Variants in CADPS observed in about 807,000 individuals in gnomAD.
The protein encoded by CADPS is calcium dependent secretion activator.
In CADPS, 57 loss-of-function variants were observed where a neutral mutation model predicts 167.3. The ratio of observed to expected loss-of-function variants is 0.34; its 90% CI spans 0.28 to 0.42. The LOEUF is 0.42. CADPS is among the 20% of genes least tolerant of loss of function. The pLI, the probability that CADPS is intolerant of heterozygous loss-of-function variation, is 1.00. For synonymous variants in CADPS, 676 were observed against 635.3 expected, an observed-to-expected ratio of 1.06 and a Z score of -0.96; for missense variants, 1,414 against 1,738.1, an observed-to-expected ratio of 0.81 and a Z score of 3.32.
chr3:62,478,014 CT>C lies in CADPS; in HGVS notation c.3329+246del. 1 of 465,932 alleles carries C rather than the reference CT, an allele frequency of 2.1e-6. No individual in the cohort carries two copies. The allele number at this position is 465,932 out of a possible 1,614,324, so 28.9% of individuals were successfully genotyped here. On this transcript the variant is annotated intron_variant, in intron 23 of 29. Transcript: ENST00000383710. This position sits in a 1 kb window ranked among gnomAD's most constrained non-coding sequence, Gnocchi z 5.7. ...GATACAAAAAAGAATGGACAGGGAT[CT>C]TTTCCTCTTAAAGCCAACAACCATG...
intron 28 of CADPS, among the ~76,000 whole-genome samples, chr3:62,429,244 G>A (rs1398683357): frequency 6.6e-6 from 1 of 152,152 alleles, no homozygotes; most frequent in Non-Finnish European, 1.5e-5. Context: ...AAACTTTTAT[G>A]TGCACTTGAA....
In CADPS at chr3:62,688,235, C is replaced by T. The variant is rs148820087; in HGVS notation, c.889-25841G>A. On this transcript the variant is annotated intron_variant, in intron 3 of 29. Coordinates refer to ENST00000383710, the MANE Select transcript of CADPS (RefSeq NM_003716.4). ...AATGTAAACCAGTAGCTTTCTTTCC[C>T]CTGTCATGCTAACCAAAAAAACCAA... 7.0e-3 allele frequency among the ~76,000 whole-genome samples: 327 copies of T among 46,664 alleles called. 4 individuals are homozygous for T. In the East Asian group the frequency reaches 0.093, roughly 13 times the overall value. 30.6% of individuals were successfully genotyped at this position (46,664 alleles called of 152,430 possible).
At chr3:62,594,173 A>AT (rs200077753) in intron 6 of CADPS, among the ~76,000 whole-genome samples, 12,135 of 146,330 alleles carry the variant, frequency 0.083, 683 homozygotes, top group East Asian at 0.29. Flanking sequence ...TTATTTATTT[A>AT]TTTTTTGAGA....
intron 3 of CADPS, among the ~76,000 whole-genome samples, chr3:62,713,966 T>C (rs1403252398): frequency 1.3e-5 from 2 of 152,298 alleles, no homozygotes; most frequent in Middle Eastern, 3.4e-3. Flanking sequence ...AATTTCTCTA[T>C]ATTCTTTATA....
intron 6 of CADPS, among the ~76,000 whole-genome samples, chr3:62,621,144 T>TG (rs1240869609): frequency 6.6e-6 from 1 of 152,200 alleles, no homozygotes; most frequent in African/African-American, 2.4e-5. Context: ...GACAAATCTC[T>TG]GGATATGGGG....
rs1169197382 is a variant in CADPS, at chr3:62,412,936, A to T, written c.3778-9751T>A. Among the ~76,000 whole-genome samples, 1 of 152,162 alleles carries T rather than the reference A, an allele frequency of 6.6e-6. No individual in the cohort carries two copies. Among genetic ancestry groups the T allele is most frequent in the East Asian group, 1.9e-4 (1 of 5,184 alleles). On this transcript the variant is annotated intron_variant, in intron 28 of 29. Coordinates refer to ENST00000383710, the MANE Select transcript of CADPS (RefSeq NM_003716.4). The surrounding 1 kb of genome is among the most constrained non-coding windows in gnomAD (Gnocchi z 4.1). ...TCAATCTGATTGTCTAAAACCCAAC[A>T]AGTCACAAAATCCCCCTTTATCCTA...
chr3:62,708,285 T>G (rs1248442459), intron 3 of CADPS, among the ~76,000 whole-genome samples: 1 of 152,064 alleles, frequency 6.6e-6, no homozygotes, highest in Non-Finnish European at 1.5e-5. Context: ...TGATGTTATT[T>G]GTATATGTAT....
At position 62,874,357 on chromosome 3, in the gene CADPS, T is replaced by G. The variant is rs1231949297; in HGVS notation, c.441+232A>C. Among the ~76,000 whole-genome samples the G allele has an allele frequency of 6.6e-6, 1 of 152,090 alleles. No individual in the cohort carries two copies. Among genetic ancestry groups the G allele is most frequent in the Non-Finnish European group, 1.5e-5 (1 of 68,008 alleles). On this transcript the variant is annotated intron_variant, in intron 1 of 29. Transcript: ENST00000383710. The surrounding 1 kb of genome is among the most constrained non-coding windows in gnomAD (Gnocchi z 7.1). Reference sequence around the variant, plus strand: ...CTGGGGGGGCTCGAGCAAGCGGCGCTGCGCTCCGCGGCCCTCGCCGGTCCC... The same window carrying G: ...CTGGGGGGGCTCGAGCAAGCGGCGCGGCGCTCCGCGGCCCTCGCCGGTCCC...
At chr3:62,429,834 C>T (rs2053573327) in intron 28 of CADPS, among the ~76,000 whole-genome samples, 1 of 152,186 alleles carries the variant, frequency 6.6e-6, no homozygotes, top group Non-Finnish European at 1.5e-5. Flanking sequence ...GAACATTCTC[C>T]TCTGGAAAGG....
chr3:62,670,410 G>C (rs978876831), intron 3 of CADPS, among the ~76,000 whole-genome samples: 1 of 152,122 alleles, frequency 6.6e-6, no homozygotes, highest in Non-Finnish European at 1.5e-5. Context: ...CTAATCTGTG[G>C]AAGAGTTAAA....
intron 18 of CADPS, among the ~76,000 whole-genome samples, chr3:62,495,051 GTAATT>G (rs2064469150): frequency 6.6e-6 from 1 of 152,078 alleles, no homozygotes; most frequent in African/African-American, 2.4e-5. Context: ...ATCCCTCATT[GTAATT>G]TAATATATTA....
At chr3:62,405,684 G>T (rs1187836777) in intron 28 of CADPS, among the ~76,000 whole-genome samples, 1 of 152,126 alleles carries the variant, frequency 6.6e-6, no homozygotes, top group Non-Finnish European at 1.5e-5. Context: ...AGAAAGCCCT[G>T]GAACATCCAT....
rs375973999 is a variant in CADPS, at chr3:62,753,062, A to G, written c.888+379T>C. 1.4e-4 allele frequency among the ~76,000 whole-genome samples: 21 copies of G among 152,320 alleles called. 1 individual carries two copies. The highest frequency in any genetic ancestry group is 5.1e-4 in the African/African-American group (21 of 41,582). ...AGGTGCTAAGTTCAGTAGTCTTCCCAGCTGAGGAAGCACAAGCCCTTCAAC... is the reference window on the plus strand; with the variant it reads ...AGGTGCTAAGTTCAGTAGTCTTCCCGGCTGAGGAAGCACAAGCCCTTCAAC... On this transcript the variant is annotated intron_variant, in intron 3 of 29. Coordinates refer to ENST00000383710, the MANE Select transcript of CADPS (RefSeq NM_003716.4). This position sits in a 1 kb window ranked among gnomAD's most constrained non-coding sequence, Gnocchi z 4.6.
chr3:62,693,722 T>G (rs748381476), intron 3 of CADPS, among the ~76,000 whole-genome samples: 8 of 151,306 alleles, frequency 5.3e-5, no homozygotes, highest in Non-Finnish European at 8.8e-5. Flanking sequence ...GAGGCAGAGG[T>G]TGTAGTGAGC....
chr3:62,853,698 C>T (rs571267848), intron 1 of CADPS, among the ~76,000 whole-genome samples: 25 of 151,468 alleles, frequency 1.7e-4, no homozygotes, highest in African/African-American at 4.6e-4. Flanking sequence ...CAGTGGCTCA[C>T]GCCTATAATC....
intron 13 of CADPS, chr3:62,530,696 T>G: frequency 2.3e-6 from 3 of 1,289,098 alleles, no homozygotes; most frequent in Non-Finnish European, 3.0e-6. Context: ...ATCTTTTCTT[T>G]TTTTGGATTC....
Position 62,421,983 on chromosome 3 carries a change from C to T in CADPS, c.3777+16121G>A, listed in dbSNP as rs542732812. On this transcript the variant is annotated intron_variant, in intron 28 of 29. Coordinates refer to ENST00000383710, the MANE Select transcript of CADPS (RefSeq NM_003716.4). This position sits in a 1 kb window ranked among gnomAD's most constrained non-coding sequence, Gnocchi z 4.7. ...TATTTCTTTTGATAAGCCTCCTTGC[C>T]TGGCTAAGCTTACAAAGACTGTGCT... Among the ~76,000 whole-genome samples the T allele has an allele frequency of 6.6e-6, 1 of 152,326 alleles. No individual in the cohort carries two copies. Among genetic ancestry groups the T allele is most frequent in the South Asian group, 2.1e-4 (1 of 4,826 alleles).
At chr3:62,817,421 C>A (rs1287114159) in intron 1 of CADPS, among the ~76,000 whole-genome samples, 1 of 152,130 alleles carries the variant, frequency 6.6e-6, no homozygotes, top group African/African-American at 2.4e-5. Context: ...AATCTACATG[C>A]CATCTTTGTA....
intron 1 of CADPS, among the ~76,000 whole-genome samples, chr3:62,772,086 A>G (rs534450017): frequency 1.3e-5 from 2 of 152,250 alleles, no homozygotes; most frequent in East Asian, 3.9e-4. Flanking sequence ...TATAATATAT[A>G]TATTTATAAT....
Sources: gnomAD v4.1 joint callset for allele counts (sites outside exome capture counted in the v4.1 genomes callset) on GRCh38, gnomAD v4.1.1 for gene constraint, Gnocchi (gnomAD v3.1) non-coding constraint, MANE v1.5 for transcripts, NCBI Gene and HGNC (gene_info 2026-07-23, HGNC 2026-07-21) for gene names.